Variants in BMP7 observed in about 807,000 individuals in gnomAD.
The protein encoded by BMP7 is osteogenic protein 1.
BMP7 carries 12 observed loss-of-function variants against 41.2 expected under a neutral mutation model. That is an observed-to-expected ratio of 0.29 (90% CI 0.19 to 0.47). The LOEUF (loss-of-function observed/expected upper bound fraction) is 0.47, where lower values mean the gene tolerates loss of function less well. BMP7 is among the 20% of genes least tolerant of loss of function. BMP7 has a pLI of 0.99. For synonymous variants in BMP7, 248 were observed against 250.0 expected, an observed-to-expected ratio of 0.99 and a Z score of 0.07; for missense variants, 467 against 606.0, an observed-to-expected ratio of 0.77 and a Z score of 2.41.
chr20:57,189,078 G>C (rs1984289975), intron 3 of BMP7, among the ~76,000 whole-genome samples: 1 of 152,224 alleles, frequency 6.6e-6, no homozygotes, highest in South Asian at 2.1e-4. Flanking sequence ...CAGCACCCCA[G>C]GGGTGGGGAG....
At chr20:57,172,208 A>C (rs1238360175) in intron 6 of BMP7, among the ~76,000 whole-genome samples, 1 of 152,172 alleles carries the variant, frequency 6.6e-6, no homozygotes, top group Non-Finnish European at 1.5e-5. Flanking sequence ...AGCACAGCAC[A>C]TCCAGGCCAG....
In BMP7 at chr20:57,266,271, C is replaced by T. The variant is rs2066178371; in HGVS notation, c.-149G>A. On this transcript the variant is annotated 5_prime_UTR_variant, in exon 1 of 7. Transcript: ENST00000395863. ...GCGCCAGACATGGCCCCTCCCCGGC[C>T]GGCCGCGCTCTGCCCGGACCCCCGC... 4 of 728,880 alleles carry T rather than the reference C, an allele frequency of 5.5e-6. No individual in the cohort carries two copies. Among genetic ancestry groups the T allele is most frequent in the Non-Finnish European group, 7.6e-6 (4 of 525,956 alleles). 45.2% of individuals were successfully genotyped at this position (728,880 alleles called of 1,614,324 possible). A position where few individuals can be genotyped will look rare whatever the true frequency, so the allele number is the denominator to read the frequency against.
Position 57,266,282 on chromosome 20 carries a change from T to G in BMP7, c.-160A>C. ...GGCCCCTCCCCGGCCGGCCGCGCTC[T>G]GCCCGGACCCCCGCCCCCTGCTCGG... On this transcript the variant is annotated 5_prime_UTR_variant, in exon 1 of 7. Coordinates refer to ENST00000395863, the MANE Select transcript of BMP7 (RefSeq NM_001719.3). 8.8e-6 allele frequency: 5 copies of G among 568,230 alleles called. No homozygotes were observed. The highest frequency in any genetic ancestry group is 6.1e-5 in the South Asian group (1 of 16,310). The allele number at this position is 568,230 out of a possible 1,614,324, so 35.2% of individuals were successfully genotyped here.
chr20:57,215,091 T>C lies in BMP7; in HGVS notation c.612-12468A>G, dbSNP rs6025447. The C allele has an allele frequency of 0.67, 102,565 of 152,240 alleles. 35,846 individuals carry two copies. Among genetic ancestry groups the C allele is most frequent in the African/African-American group, 0.87 (35,964 of 41,522 alleles). 9.4% of individuals were successfully genotyped at this position (152,240 alleles called of 1,614,324 possible). A position where few individuals can be genotyped will look rare whatever the true frequency, so the allele number is the denominator to read the frequency against. On this transcript the variant is annotated intron_variant, in intron 2 of 6. Transcript: ENST00000395863. The surrounding 1 kb of genome is among the most constrained non-coding windows in gnomAD (Gnocchi z 4.2). ...CTTAGCCCACCCAGCCCACTCTATG[T>C]CCCACTGGGCACCCACACTCCCAGG...
At chr20:57,206,642 G>A (rs942974846) in intron 2 of BMP7, among the ~76,000 whole-genome samples, 5 of 152,300 alleles carry the variant, frequency 3.3e-5, no homozygotes, top group South Asian at 2.1e-4. Context: ...GCAAGGTTAC[G>A]CCAGATAATT....
At chr20:57,250,684 T>C (rs1055286949) in intron 1 of BMP7, among the ~76,000 whole-genome samples, 2 of 152,174 alleles carry the variant, frequency 1.3e-5, no homozygotes, top group African/African-American at 4.8e-5. Context: ...GTTTTATTGA[T>C]GTGCTTTTTT....
chr20:57,232,444 TA>T (rs2066032893), intron 1 of BMP7, among the ~76,000 whole-genome samples: 1 of 152,174 alleles, frequency 6.6e-6, no homozygotes, highest in African/African-American at 2.4e-5. Context: ...GACCGAACAA[TA>T]AAGATACGTT....
At chr20:57,195,049 G>A (rs57265352) in intron 3 of BMP7, among the ~76,000 whole-genome samples, 4,664 of 152,324 alleles carry the variant, frequency 0.031, 242 homozygotes, top group African/African-American at 0.11. Context: ...AGGACTCAGA[G>A]TGAGCTGAGG....
In BMP7 at chr20:57,183,859, TGCTTGTTCTGGGGCCCGTGCC is replaced by T; in HGVS notation, c.800_820del (p.Arg267_Lys273del). On this transcript the variant is annotated inframe_deletion, in exon 4 of 7. Transcript: ENST00000395863. ...CTTGAAGAAAGCCACCATGAAGGGCTGCTTGTTCTGGGGCCCGTGCCGCCCAATCAGGCCCGCCAACTTGGG... is the reference window on the plus strand; with the variant it reads ...CTTGAAGAAAGCCACCATGAAGGGCTGCCCAATCAGGCCCGCCAACTTGGG... 6.2e-7 allele frequency: 1 copy of T among 1,614,182 alleles called. No individual in the cohort carries two copies. The highest frequency in any genetic ancestry group is 8.5e-7 in the Non-Finnish European group (1 of 1,180,042).
intron 3 of BMP7, among the ~76,000 whole-genome samples, chr20:57,186,390 ACTAT>A (rs2123070213): frequency 6.6e-6 from 1 of 152,320 alleles, no homozygotes; most frequent in South Asian, 2.1e-4. Context: ...CTAAGAACAC[ACTAT>A]CTATCCACTG....
rs768463621 is a variant in BMP7, at chr20:57,228,285, G to A, written c.555C>T (p.Phe185=). The part of the protein sequence containing the change: ...RIYKDYIRER[F]DNETFRISVY... ...CGCTGATCCGGAACGTCTCATTGTC[G>A]AAGCGTTCCCGGATGTAGTCCTTGT... The change falls in exon 2 of 7, where the codon TTC becomes TTT. Residue 185 remains phenylalanine (F), a synonymous_variant. Coordinates refer to ENST00000395863, the MANE Select transcript of BMP7 (RefSeq NM_001719.3). This position sits in a 1 kb window ranked among gnomAD's most constrained non-coding sequence, Gnocchi z 4.5. The A allele has an allele frequency of 9.9e-6, 16 of 1,614,096 alleles. No homozygotes were observed. The highest frequency in any genetic ancestry group is 2.7e-5 in the African/African-American group (2 of 75,032).
chr20:57,251,102 C>A (rs2066111174), intron 1 of BMP7, among the ~76,000 whole-genome samples: 1 of 152,224 alleles, frequency 6.6e-6, no homozygotes, highest in Non-Finnish European at 1.5e-5. Context: ...CGGTGGGTTC[C>A]TGATTGGCTA....
chr20:57,218,665 G>GGTAT (rs1985100243), intron 2 of BMP7, among the ~76,000 whole-genome samples: 1 of 151,772 alleles, frequency 6.6e-6, no homozygotes, highest in Admixed American at 6.6e-5. Flanking sequence ...GGTGGTAGCT[G>GGTAT]GTGTTTGTTC....
intron 2 of BMP7, among the ~76,000 whole-genome samples, chr20:57,217,793 C>A (rs2123107006): frequency 6.6e-6 from 1 of 152,318 alleles, no homozygotes; most frequent in South Asian, 2.1e-4. Context: ...GATTGACTTT[C>A]ATTAATAAAA....
At chr20:57,206,854 C>G (rs1984744432) in intron 2 of BMP7, among the ~76,000 whole-genome samples, 1 of 152,188 alleles carries the variant, frequency 6.6e-6, no homozygotes, top group African/African-American at 2.4e-5. Flanking sequence ...CTTTACATGT[C>G]TTGGTCCCAG....
At chr20:57,255,272 C>T (rs1345184797) in intron 1 of BMP7, among the ~76,000 whole-genome samples, 2 of 152,172 alleles carry the variant, frequency 1.3e-5, no homozygotes, top group South Asian at 2.1e-4. Context: ...ATGTTTGGGC[C>T]CCTTCAGCAT....
intron 1 of BMP7, among the ~76,000 whole-genome samples, chr20:57,257,389 A>AT (rs1388037530): frequency 6.6e-6 from 1 of 152,280 alleles, no homozygotes; most frequent in Admixed American, 6.5e-5. Context: ...TTAAAATTTA[A>AT]TTTTAATTAA....
At chr20:57,255,495 T>C (rs2066130429) in intron 1 of BMP7, among the ~76,000 whole-genome samples, 1 of 152,132 alleles carries the variant, frequency 6.6e-6, no homozygotes, top group South Asian at 2.1e-4. Flanking sequence ...AGATCCTGCC[T>C]GGACTAAGAA....
chr20:57,180,398 T>C (rs1984051195), intron 4 of BMP7, among the ~76,000 whole-genome samples: 2 of 149,040 alleles, frequency 1.3e-5, no homozygotes, highest in African/African-American at 2.5e-5. Context: ...GCCCAGAGCA[T>C]CCTCTCCGGA....
Sources: allele counts gnomAD v4.1 joint callset (sites outside exome capture counted in the v4.1 genomes callset), GRCh38; gene constraint gnomAD v4.1.1; non-coding constraint Gnocchi (gnomAD v3.1); transcripts MANE v1.5; gene names NCBI Gene and HGNC (gene_info 2026-07-23, HGNC 2026-07-21).